MARK1: variants seen among roughly 807,000 people sequenced by gnomAD.
The protein encoded by MARK1 is serine/threonine-protein kinase MARK1.
A neutral mutation model predicts 96.3 loss-of-function variants in MARK1; 40 were observed. That is an observed-to-expected ratio of 0.42 (90% CI 0.32 to 0.54). The LOEUF (loss-of-function observed/expected upper bound fraction) is 0.54, where lower values mean the gene tolerates loss of function less well. MARK1 is among the 20% of genes least tolerant of loss of function. The pLI is 0.16. For missense variants in MARK1, 719 were observed against 984.6 expected (o/e 0.73, Z 3.61); for synonymous variants, 317 against 341.2 (o/e 0.93, Z 0.78).
intron 1 of MARK1, among the ~76,000 whole-genome samples, chr1:220,574,674 G>A (rs1352282852): frequency 6.6e-6 from 1 of 152,070 alleles, no homozygotes; most frequent in Non-Finnish European, 1.5e-5. Context: ...TCAAACAGTT[G>A]TTTTTAATAT....
At chr1:220,582,604 A>G (rs1282868246) in intron 3 of MARK1, among the ~76,000 whole-genome samples, 1 of 152,194 alleles carries the variant, frequency 6.6e-6, no homozygotes, top group African/African-American at 2.4e-5. Flanking sequence ...AGTGGCATCT[A>G]GAACTACTCA....
intron 1 of MARK1, among the ~76,000 whole-genome samples, chr1:220,557,511 A>G (rs1474073093): frequency 3.9e-5 from 6 of 151,998 alleles, no homozygotes; most frequent in Admixed American, 3.9e-4. Context: ...GTGAGCCAAG[A>G]TTACACCACC....
chr1:220,604,156 A>T lies in MARK1; in HGVS notation c.495+19A>T. On this transcript the variant is annotated intron_variant, in intron 6 of 17. Transcript: ENST00000366917. ...TAGGCAGGTATGGAAAGTAGTTTTC[A>T]ACTTTGTTTTGCTGATAATTGTAGC... 1 of 1,578,590 alleles carries T rather than the reference A, an allele frequency of 6.3e-7. No individual in the cohort carries two copies. Among genetic ancestry groups the T allele is most frequent in the African/African-American group, 1.3e-5 (1 of 74,098 alleles).
chr1:220,557,056 C>T (rs1662316567), intron 1 of MARK1, among the ~76,000 whole-genome samples: 1 of 151,708 alleles, frequency 6.6e-6, no homozygotes, highest in Non-Finnish European at 1.5e-5. Flanking sequence ...TGATGCACAG[C>T]AAGTACCAGC....
rs1482900328 is a variant in MARK1, at chr1:220,568,590, A to T, written c.52-10764A>T. 2.6e-5 allele frequency among the ~76,000 whole-genome samples: 4 copies of T among 152,308 alleles called. No individual in the cohort carries two copies. The East Asian group carries it at 5.8e-4, about 22-fold the overall frequency. On this transcript the variant is annotated intron_variant, in intron 1 of 17. Coordinates refer to ENST00000366917, the MANE Select transcript of MARK1 (RefSeq NM_018650.5). ...GGGGATCTGTTGCAGGATATTTAAC[A>T]AAGAGTGTGATGATATGATATGAAA...
rs1255704589 is a variant in MARK1 at position 220,531,980 on chromosome 1, C to T, written c.51+3107C>T. Reference sequence around the variant, plus strand: ...ATATAGATAATATATTATCATTACTCTTACATGTTTTTTAATGAAACAAGA... The same window carrying T: ...ATATAGATAATATATTATCATTACTTTTACATGTTTTTTAATGAAACAAGA... On this transcript the variant is annotated intron_variant, in intron 1 of 17. Transcript: ENST00000366917. 4.6e-5 allele frequency among the ~76,000 whole-genome samples: 7 copies of T among 151,804 alleles called. 1 individual carries two copies. In the South Asian group the frequency reaches 8.3e-4, roughly 18 times the overall value.
At chr1:220,576,202 C>G (rs1663836554) in intron 1 of MARK1, among the ~76,000 whole-genome samples, 1 of 151,222 alleles carries the variant, frequency 6.6e-6, no homozygotes, top group Non-Finnish European at 1.5e-5. Context: ...AACCAAGAAC[C>G]ATTTATGATT....
chr1:220,541,284 T>C (rs548659256), intron 1 of MARK1, among the ~76,000 whole-genome samples: 8 of 152,170 alleles, frequency 5.3e-5, no homozygotes, highest in Non-Finnish European at 8.8e-5. Context: ...TAAACTTCCC[T>C]CTTAGTACTG....
intron 9 of MARK1, among the ~76,000 whole-genome samples, chr1:220,623,965 T>C (rs1466240792): frequency 6.6e-6 from 1 of 152,212 alleles, no homozygotes; most frequent in Non-Finnish European, 1.5e-5. Flanking sequence ...TTGGTCTTTA[T>C]TAAAACTCAC....
chr1:220,587,390 C>T (rs536977559), intron 3 of MARK1, among the ~76,000 whole-genome samples: 25 of 146,846 alleles, frequency 1.7e-4, no homozygotes, highest in Admixed American at 4.8e-4. Context: ...TTTTTTTGGA[C>T]GGAGTTTCAC....
intron 3 of MARK1, among the ~76,000 whole-genome samples, chr1:220,586,467 G>A (rs957414521): frequency 3.9e-5 from 6 of 152,042 alleles, no homozygotes; most frequent in African/African-American, 1.2e-4. Context: ...ATAAAATCAA[G>A]CACTCATAAC....
intron 1 of MARK1, among the ~76,000 whole-genome samples, chr1:220,529,865 G>A (rs1365267871): frequency 1.3e-5 from 2 of 152,196 alleles, no homozygotes; most frequent in Non-Finnish European, 2.9e-5. Flanking sequence ...AATAGGGCTT[G>A]GCTGATTTTC....
At chr1:220,614,964 T>C (rs565654787) in intron 6 of MARK1, among the ~76,000 whole-genome samples, 1 of 152,240 alleles carries the variant, frequency 6.6e-6, no homozygotes, top group East Asian at 1.9e-4. Context: ...TTTAAAAAAA[T>C]CTCATTTTTG....
chr1:220,584,737 C>G (rs960289435), intron 3 of MARK1, among the ~76,000 whole-genome samples: 54 of 152,174 alleles, frequency 3.5e-4, no homozygotes, highest in Admixed American at 1.3e-4. Flanking sequence ...AGCAAATTAT[C>G]AGAAACCAAA....
At chr1:220,564,949 C>G (rs1018852195) in intron 1 of MARK1, among the ~76,000 whole-genome samples, 2 of 151,990 alleles carry the variant, frequency 1.3e-5, no homozygotes, top group African/African-American at 4.8e-5. Flanking sequence ...TCATTTTCTT[C>G]TTTAGATTAC....
At chr1:220,590,767 A>G (rs1572137674) in intron 3 of MARK1, among the ~76,000 whole-genome samples, 1 of 152,122 alleles carries the variant, frequency 6.6e-6, no homozygotes, top group Admixed American at 6.6e-5. Flanking sequence ...ACAACTGCCT[A>G]TCATTTTTAG....
intron 3 of MARK1, among the ~76,000 whole-genome samples, chr1:220,589,310 A>G (rs1664837184): frequency 6.6e-6 from 1 of 152,212 alleles, no homozygotes; most frequent in Non-Finnish European, 1.5e-5. Flanking sequence ...TAAAAATGAC[A>G]GACTTTTTCA....
chr1:220,591,205 A>G (rs548601730), intron 3 of MARK1, among the ~76,000 whole-genome samples: 82 of 152,164 alleles, frequency 5.4e-4, no homozygotes, highest in Non-Finnish European at 8.2e-4. Context: ...AGAAATAATT[A>G]AATAAAAAAA....
intron 3 of MARK1, among the ~76,000 whole-genome samples, chr1:220,583,015 G>A (rs567782928): frequency 1.4e-4 from 22 of 152,258 alleles, no homozygotes; most frequent in African/African-American, 5.1e-4. Flanking sequence ...ATTCTCATGT[G>A]TTTAGAACAT....
Sources: allele counts gnomAD v4.1 joint callset (sites outside exome capture counted in the v4.1 genomes callset), GRCh38; gene constraint gnomAD v4.1.1; transcripts MANE v1.5; gene names NCBI Gene and HGNC (gene_info 2026-07-23, HGNC 2026-07-21).